Variants in WDHD1 observed in about 807,000 individuals in gnomAD.
WDHD1 encodes the protein WD repeat and HMG-box DNA binding protein 1, also known as WD repeat and HMG-box DNA-binding protein 1.
A neutral mutation model predicts 135.4 loss-of-function variants in WDHD1; 111 were observed. That is an observed-to-expected ratio of 0.82 (90% CI 0.70 to 0.96). WDHD1 has a LOEUF of 0.96. Ranked by LOEUF, WDHD1 falls within the 40% of genes least tolerant of loss-of-function variation. WDHD1 has a pLI of 0.00. For synonymous variants in WDHD1, 434 were observed against 439.0 expected, an observed-to-expected ratio of 0.99 and a Z score of 0.14; for missense variants, 1,351 against 1,336.3, an observed-to-expected ratio of 1.01 and a Z score of -0.17.
At position 55,008,712 on chromosome 14, in the gene WDHD1, G is replaced by A. The variant is rs757080911; in HGVS notation, c.349C>T (p.Leu117=). The part of the protein sequence containing the change: ...TKIAAGSSDF[L]VKIVDVMDSS... The stretch of plus-strand genomic sequence containing the variant: ...TCCATCACATCCACAATTTTGACTA[G>A]AAAATCACTAAGAACAAAAAGAGTA... Residue 117 remains leucine (L), a synonymous_variant, in exon 5 of 26, where the codon CTA becomes TTA. Transcript: ENST00000360586. 1.1e-5 allele frequency: 17 copies of A among 1,607,878 alleles called. No individual in the cohort carries two copies. The highest frequency in any genetic ancestry group is 4.5e-5 in the South Asian group (4 of 89,572).
chr14:54,946,356 G>A (rs1240855703), intron 24 of WDHD1, among the ~76,000 whole-genome samples: 1 of 152,082 alleles, frequency 6.6e-6, no homozygotes, highest in Non-Finnish European at 1.5e-5. Context: ...GGCTAAAACT[G>A]GACATTTCTG....
intron 8 of WDHD1, among the ~76,000 whole-genome samples, 190 bp from the exon 9 acceptor site, chr14:55,001,182 T>C (rs1367873945): frequency 1.3e-5 from 2 of 152,240 alleles, no homozygotes; most frequent in African/African-American, 4.8e-5. Context: ...AGTTTGCTTA[T>C]TTTCTAACCT....
chr14:55,010,167 A>G, intron 4 of WDHD1, 142 bp downstream of exon 4: 1 of 902,974 alleles, frequency 1.1e-6, no homozygotes, highest in Non-Finnish European at 1.5e-6. Context: ...GTCCTCAAAA[A>G]CCTTTACTAG....
At chr14:54,975,074 A>G (rs2041503368) in intron 16 of WDHD1, among the ~76,000 whole-genome samples, 1 of 152,214 alleles carries the variant, frequency 6.6e-6, no homozygotes, top group Non-Finnish European at 1.5e-5. Flanking sequence ...GTACTATAAT[A>G]AATGCTAATT....
At chr14:54,982,648 G>C (rs190888142) in intron 15 of WDHD1, among the ~76,000 whole-genome samples, 1 of 152,074 alleles carries the variant, frequency 6.6e-6, no homozygotes, top group Admixed American at 6.5e-5. Flanking sequence ...GTTTCCGCAG[G>C]GTCTGGATCT....
intron 7 of WDHD1, among the ~76,000 whole-genome samples, chr14:55,004,141 T>C (rs529487960): frequency 6.6e-6 from 1 of 152,334 alleles, no homozygotes; most frequent in African/African-American, 2.4e-5. Flanking sequence ...AATACCTATA[T>C]ATAGACTCAT....
At chr14:54,992,821 G>A (rs1165172349) in intron 11 of WDHD1, among the ~76,000 whole-genome samples, 1 of 152,140 alleles carries the variant, frequency 6.6e-6, no homozygotes, top group Non-Finnish European at 1.5e-5. Flanking sequence ...GGCTGAGTGG[G>A]AGAACTGCTT....
Position 54,974,904 on chromosome 14 carries a change from T to C in WDHD1, c.2063+6636A>G, listed in dbSNP as rs180673596. ...CCTTGCCCCAGCCAGCAAGTTTTGC[T>C]TTTTCTTCTGTGTTGGACCGGACTG... On this transcript the variant is annotated intron_variant, in intron 16 of 25. Transcript: ENST00000360586. Among the ~76,000 whole-genome samples the C allele has an allele frequency of 3.2e-3, 495 of 152,318 alleles. 4 individuals carry two copies. The highest frequency in any genetic ancestry group is 0.011 in the African/African-American group (476 of 41,562).
intron 15 of WDHD1, among the ~76,000 whole-genome samples, chr14:54,982,851 G>A (rs952144222): frequency 6.6e-6 from 1 of 152,168 alleles, no homozygotes. Context: ...ATGAGACAGA[G>A]ATGACAGGTG....
At chr14:54,955,150 A>G (rs2041131151) in intron 24 of WDHD1, among the ~76,000 whole-genome samples, 1 of 152,248 alleles carries the variant, frequency 6.6e-6, no homozygotes, top group African/African-American at 2.4e-5. Context: ...ATTTGCACAT[A>G]AATAGAATAA....
chr14:54,953,326 C>G (rs563680762), intron 24 of WDHD1, among the ~76,000 whole-genome samples: 1 of 152,216 alleles, frequency 6.6e-6, no homozygotes, highest in Admixed American at 6.5e-5. Flanking sequence ...TGAGCAGACA[C>G]TTCTCAAAAG....
chr14:54,944,234 A>T, intron 25 of WDHD1, 98 bp downstream of exon 25: 1 of 1,486,508 alleles, frequency 6.7e-7, no homozygotes, highest in South Asian at 1.2e-5. Flanking sequence ...CTAGGATTAC[A>T]GGCATAAGAC....
chr14:54,956,318 A>T (rs2041158285), intron 23 of WDHD1, among the ~76,000 whole-genome samples: 2 of 152,112 alleles, frequency 1.3e-5, no homozygotes, highest in Admixed American at 1.3e-4. Flanking sequence ...ATATATTTTT[A>T]AAAAGTGATC....
At chr14:55,027,002 C>G (rs561297643) in intron 1 of WDHD1, 26 bp downstream of exon 1, 2 of 548,992 alleles carry the variant, frequency 3.6e-6, no homozygotes, top group Admixed American at 6.1e-5. Flanking sequence ...CCTTGGTGGA[C>G]GCGGGCAGCC....
At chr14:54,967,970 C>A (rs1055200105) in intron 16 of WDHD1, among the ~76,000 whole-genome samples, 11 of 152,164 alleles carry the variant, frequency 7.2e-5, no homozygotes, top group African/African-American at 2.7e-4. Flanking sequence ...AATCAGCTCT[C>A]TTCATATTTT....
At chr14:54,948,855 G>A (rs1230497916) in intron 24 of WDHD1, among the ~76,000 whole-genome samples, 3 of 152,174 alleles carry the variant, frequency 2.0e-5, no homozygotes. Flanking sequence ...ACCAATATTT[G>A]CTGTTCTGCA....
intron 16 of WDHD1, among the ~76,000 whole-genome samples, chr14:54,969,770 T>C (rs921813359): frequency 3.3e-5 from 5 of 151,996 alleles, no homozygotes; most frequent in African/African-American, 1.2e-4. Context: ...CAGGCCAATA[T>C]CCTTGATGAA....
intron 18 of WDHD1, among the ~76,000 whole-genome samples, chr14:54,965,610 T>C (rs1407092203): frequency 1.3e-5 from 2 of 152,178 alleles, no homozygotes; most frequent in Non-Finnish European, 2.9e-5. Flanking sequence ...AAAAGGGAAG[T>C]AGCCCTAGAG....
intron 25 of WDHD1, among the ~76,000 whole-genome samples, chr14:54,944,055 T>C (rs949495553): frequency 6.6e-6 from 1 of 152,166 alleles, no homozygotes; most frequent in African/African-American, 2.4e-5. Flanking sequence ...TTGGTGGATG[T>C]ATTCAATTTC....
Sources: gnomAD v4.1 joint callset for allele counts (sites outside exome capture counted in the v4.1 genomes callset) on GRCh38, gnomAD v4.1.1 for gene constraint, MANE v1.5 for transcripts, NCBI Gene and HGNC (gene_info 2026-07-23, HGNC 2026-07-21) for gene names.